DCAF1: variants seen among roughly 807,000 people sequenced by gnomAD.
DCAF1 encodes DDB1 and CUL4 associated factor 1, also known as DDB1- and CUL4-associated factor 1.
Under a neutral mutation model 128.0 loss-of-function variants are expected in DCAF1, and 15 were observed. That is an observed-to-expected ratio of 0.12 (90% confidence interval 0.08 to 0.18). The LOEUF is 0.18. DCAF1 is among the 10% of genes least tolerant of loss of function. The pLI is 1.00. For synonymous variants in DCAF1, 610 were observed against 603.0 expected (o/e 1.01, Z -0.17); for missense variants, 988 against 1,649.5 (o/e 0.60, Z 6.95).
At chr3:51,485,178 G>A (rs1706786396) in intron 2 of DCAF1, among the ~76,000 whole-genome samples, 2 of 152,156 alleles carry the variant, frequency 1.3e-5, no homozygotes, top group African/African-American at 4.8e-5. Context: ...GCCTCCCAAA[G>A]TGCTGGGATT....
At chr3:51,397,566 G>C (rs932450540), downstream of DCAF1, 1 of 167,124 alleles carries the variant, frequency 6.0e-6, no homozygotes, top group African/African-American at 2.4e-5. Context: ...CAGCCTGCTG[G>C]ATCCAGAACA....
At chr3:51,397,776 G>A (rs1351894294), downstream of DCAF1, 1 of 167,038 alleles carries the variant, frequency 6.0e-6, no homozygotes, top group Non-Finnish European at 1.5e-5. Flanking sequence ...CTTCTCTATG[G>A]CCTGGCTAGA....
At chr3:51,455,454 A>C (rs1702794030) in intron 6 of DCAF1, among the ~76,000 whole-genome samples, 1 of 152,034 alleles carries the variant, frequency 6.6e-6, no homozygotes, top group South Asian at 2.1e-4. Context: ...AAAAATTTAA[A>C]AATTAGCCGG....
At chr3:51,402,635 C>A (rs2089803848) in intron 24 of DCAF1, among the ~76,000 whole-genome samples, 1 of 118,410 alleles carries the variant, frequency 8.4e-6, no homozygotes, top group Admixed American at 1.2e-4. Context: ...AGTGCAGTGG[C>A]ACGATCTCGG....
chr3:51,464,678 TAA>T (rs879952626), intron 5 of DCAF1, among the ~76,000 whole-genome samples: 21 of 135,290 alleles, frequency 1.6e-4, no homozygotes, highest in East Asian at 4.2e-4. Flanking sequence ...GATGCTGTCT[TAA>T]AAAAAAAAAA....
At chr3:51,397,822 GA>G (rs1418726978), downstream of DCAF1, 1 of 166,838 alleles carries the variant, frequency 6.0e-6, no homozygotes, top group African/African-American at 2.4e-5. Flanking sequence ...TTCGGTAAAA[GA>G]AAATAGGGAA....
In DCAF1 at chr3:51,420,214, A is replaced by G. The variant is rs782515540; in HGVS notation, c.2756T>C (p.Val919Ala). The G allele has an allele frequency of 6.2e-7, 1 of 1,614,054 alleles. No individual in the cohort carries two copies. Among genetic ancestry groups the G allele is most frequent in the South Asian group, 1.1e-5 (1 of 91,084 alleles). The stretch of plus-strand genomic sequence containing the variant: ...AGGGGCAGAAGGCGCAGAGGCACCC[A>G]CAGCAGCATGGCTGCCCAGACGAGT... ...IATRLGSHAA[V>A]GASAPSAPTA... is the part of the protein sequence containing the mutation. Residue 919 changes from valine to alanine, a missense_variant, in exon 15 of 25, where the codon GTG becomes GCG. Coordinates refer to ENST00000684031, the MANE Select transcript of DCAF1 (RefSeq NM_001387579.1). This position sits in a 1 kb window ranked among gnomAD's most constrained non-coding sequence, Gnocchi z 6.5.
intron 20 of DCAF1, 102 bp from the exon 21 acceptor site, chr3:51,413,488 T>C (rs1698615058): frequency 1.3e-6 from 2 of 1,488,094 alleles, no homozygotes; most frequent in Non-Finnish European, 1.8e-6. Flanking sequence ...TCTACTTGCA[T>C]ATAGGTTTAC....
In DCAF1 at chr3:51,413,344, C is replaced by T; in HGVS notation, c.3974G>A (p.Arg1325Lys). ...GGATGACCCAAAGGGGCTTTTCATC[C>T]TCTCTTCCATTAAGTCATCTTCATC... Reference protein sequence around the residue: ...ADDEDDLMEERMKSPFGSSFR... With the variant: ...ADDEDDLMEEKMKSPFGSSFR... Residue 1325 changes from arginine (R) to lysine (K), a missense_variant, in exon 21 of 25, where the codon AGG becomes AAG. By Grantham distance (26) the Arg-to-Lys change is conservative (BLOSUM62 2). This residue lies in a region of DCAF1 where 85 missense variants were observed against 204.6 expected (regional missense o/e 0.42). Transcript: ENST00000684031. The T allele has an allele frequency of 6.2e-7, 1 of 1,613,526 alleles. No homozygotes were observed. The highest frequency in any genetic ancestry group is 8.5e-7 in the Non-Finnish European group (1 of 1,179,720).
intron 1 of DCAF1, among the ~76,000 whole-genome samples, 175 bp downstream of exon 1, chr3:51,499,698 C>G (rs1708644081): frequency 6.6e-6 from 1 of 151,810 alleles, no homozygotes; most frequent in African/African-American, 2.4e-5. Flanking sequence ...AGGAAAAGTC[C>G]TGTCAGGCCC....
At chr3:51,470,863 C>A (rs1704655570) in intron 4 of DCAF1, 66 bp downstream of exon 4, 3 of 1,207,550 alleles carry the variant, frequency 2.5e-6, no homozygotes, top group South Asian at 1.8e-5. Context: ...AAAAAAAGAC[C>A]CTCGCTTTAA....
At chr3:51,496,300 G>A (rs1553660928) in intron 2 of DCAF1, among the ~76,000 whole-genome samples, 3 of 152,130 alleles carry the variant, frequency 2.0e-5, no homozygotes, top group South Asian at 2.1e-4. Context: ...GGTGGCACAC[G>A]CCTGTAATCC....
At chr3:51,459,698 G>C (rs1166604516) in intron 6 of DCAF1, among the ~76,000 whole-genome samples, 1 of 152,160 alleles carries the variant, frequency 6.6e-6, no homozygotes, top group African/African-American at 2.4e-5. Context: ...ACATCAAAAA[G>C]CTTATCTACC....
chr3:51,459,865 G>A (rs1214556736), intron 6 of DCAF1, among the ~76,000 whole-genome samples: 4 of 152,072 alleles, frequency 2.6e-5, no homozygotes, highest in African/African-American at 7.2e-5. Flanking sequence ...CAACCTTCAT[G>A]CTAAAAACTC....
Position 51,413,271 on chromosome 3 carries a change from T to A in DCAF1, c.4036+11A>T. On this transcript the variant is annotated intron_variant, in intron 21 of 24. Coordinates refer to ENST00000684031, the MANE Select transcript of DCAF1 (RefSeq NM_001387579.1). ...CGACAAAATGTTCAATGTCTGTCCC[T>A]TTCTGCTTACCTATAGGTTTGTAGT... is the stretch of plus-strand genomic sequence containing the variant. The A allele has an allele frequency of 6.2e-7, 1 of 1,611,836 alleles. No homozygotes were observed. Among genetic ancestry groups the A allele is most frequent in the Non-Finnish European group, 8.5e-7 (1 of 1,178,892 alleles).
In DCAF1 at chr3:51,457,982, A is replaced by T. The variant is rs191782617; in HGVS notation, c.375+5132T>A. On this transcript the variant is annotated intron_variant, in intron 6 of 24. Transcript: ENST00000684031. The stretch of plus-strand genomic sequence containing the variant: ...ACATGCCAAATTGTAAAGACCATTA[A>T]CGCTAGGAAGAAACTGCATCAACTA... Among the ~76,000 whole-genome samples, 797 of 152,326 alleles carry T rather than the reference A, an allele frequency of 5.2e-3. 7 individuals are homozygous for T. Among genetic ancestry groups the T allele is most frequent in the African/African-American group, 0.018 (756 of 41,568 alleles).
intron 24 of DCAF1, among the ~76,000 whole-genome samples, chr3:51,402,461 T>A (rs1412330436): frequency 6.6e-6 from 1 of 152,074 alleles, no homozygotes; most frequent in Non-Finnish European, 1.5e-5. Flanking sequence ...CAAAGTTTTA[T>A]TAGAACACAG....
intron 11 of DCAF1, 146 bp downstream of exon 11, chr3:51,429,884 GAAA>G: frequency 1.7e-6 from 1 of 576,314 alleles, no homozygotes; most frequent in Non-Finnish European, 3.1e-6. Context: ...AATTTGTGAA[GAAA>G]GGGAAAAAAA....
At chr3:51,396,156 GT>G (rs2089189864), downstream of DCAF1, 1 of 393,210 alleles carries the variant, frequency 2.5e-6, no homozygotes, top group Non-Finnish European at 4.7e-6. Context: ...CATGAAGCAG[GT>G]GCTCAGGACC....
Sources: allele counts gnomAD v4.1 joint callset (sites outside exome capture counted in the v4.1 genomes callset), GRCh38; gene constraint gnomAD v4.1.1; regional missense constraint gnomAD v4.1.1; non-coding constraint Gnocchi (gnomAD v3.1); transcripts MANE v1.5; gene names NCBI Gene and HGNC (gene_info 2026-07-23, HGNC 2026-07-21).